FHIT: variants seen among roughly 807,000 people sequenced by gnomAD.
The protein encoded by FHIT is bis(5'-adenosyl)-triphosphatase.
In FHIT, 19 loss-of-function variants were observed where a neutral mutation model predicts 17.9. That is an observed-to-expected ratio of 1.06 (90% confidence interval 0.74 to 1.56). The LOEUF (loss-of-function observed/expected upper bound fraction) is 1.56. Ranked by LOEUF, FHIT falls within the 40% of genes most tolerant of loss-of-function variation. The probability of loss-of-function intolerance (pLI) is 0.00; values close to 1 mark genes in which losing one functional copy is unlikely to be tolerated. For missense variants in FHIT, 248 were observed against 189.2 expected, an observed-to-expected ratio of 1.31 and a Z score of -1.82; for synonymous variants, 81 against 69.7, an observed-to-expected ratio of 1.16 and a Z score of -0.81.
chr3:61,096,505 A>C (rs1342665914), intron 2 of FHIT, among the ~76,000 whole-genome samples: 1 of 152,212 alleles, frequency 6.6e-6, no homozygotes, highest in Non-Finnish European at 1.5e-5. Flanking sequence ...AGCCGGGGAC[A>C]CAGAGAACAG....
chr3:60,538,693 G>C (rs958914322), intron 4 of FHIT, among the ~76,000 whole-genome samples: 5 of 152,174 alleles, frequency 3.3e-5, no homozygotes, highest in African/African-American at 4.8e-5. Flanking sequence ...AATGGGGAAA[G>C]GATTCCTTAT....
chr3:60,504,768 T>G (rs907828092), intron 5 of FHIT, among the ~76,000 whole-genome samples: 2 of 152,212 alleles, frequency 1.3e-5, no homozygotes, highest in Non-Finnish European at 2.9e-5. Flanking sequence ...TAAGGTCATG[T>G]AACTGTTAGC....
At chr3:60,614,890 C>A (rs545454559) in intron 4 of FHIT, among the ~76,000 whole-genome samples, 1 of 131,418 alleles carries the variant, frequency 7.6e-6, no homozygotes, top group East Asian at 2.4e-4. Flanking sequence ...AGTGCAGTGG[C>A]ATGATCTCGG....
chr3:60,946,920 T>G (rs1708665740), intron 3 of FHIT, among the ~76,000 whole-genome samples: 1 of 152,210 alleles, frequency 6.6e-6, no homozygotes, highest in African/African-American at 2.4e-5. Context: ...TTCTTAGCCC[T>G]TGAAACGAGG....
chr3:59,774,294 C>G lies in FHIT; in HGVS notation c.349-21973G>C, dbSNP rs570127758. On this transcript the variant is annotated intron_variant, in intron 8 of 9. Transcript: ENST00000492590. ...CAGAGCTAAGGATTTGCGACAGAAA[C>G]TGAATAGCCTGAAGAGCTTAAAATA... Among the ~76,000 whole-genome samples, 5 of 152,328 alleles carry G rather than the reference C, an allele frequency of 3.3e-5. No homozygotes were observed. The South Asian group carries it at 6.2e-4, about 19-fold the overall frequency.
At chr3:60,516,966 C>T (rs1026485780) in intron 5 of FHIT, among the ~76,000 whole-genome samples, 1 of 152,190 alleles carries the variant, frequency 6.6e-6, no homozygotes, top group African/African-American at 2.4e-5. Flanking sequence ...TGAATCTCTA[C>T]TCCTCTGAGG....
intron 5 of FHIT, among the ~76,000 whole-genome samples, chr3:60,337,612 C>T (rs1173227120): frequency 7.9e-5 from 12 of 152,172 alleles, no homozygotes; most frequent in Non-Finnish European, 4.4e-5. Context: ...CCACTCATAT[C>T]CCTCAGAGGC....
rs190534027 is a variant in FHIT, at chr3:59,967,393, G to T, written c.279+43978C>A. Among the ~76,000 whole-genome samples the T allele has an allele frequency of 2.0e-5, 3 of 152,218 alleles. No homozygotes were observed. In the East Asian group the frequency reaches 5.8e-4, roughly 29 times the overall value. The stretch of plus-strand genomic sequence containing the variant: ...GTGTGATACTTTTATACGACTGGCA[G>T]CATAGCTTTGTTTACACCAGCACTG... On this transcript the variant is annotated intron_variant, in intron 7 of 9. Coordinates refer to ENST00000492590, the MANE Select transcript of FHIT (RefSeq NM_002012.4).
rs949484596 is a variant in FHIT, at chr3:61,074,637, T to C, written c.-163-32538A>G. Among the ~76,000 whole-genome samples, 12 of 152,172 alleles carry C rather than the reference T, an allele frequency of 7.9e-5. No homozygotes were observed. In the South Asian group the frequency reaches 1.9e-3, roughly 24 times the overall value. On this transcript the variant is annotated intron_variant, in intron 2 of 9. Coordinates refer to ENST00000492590, the MANE Select transcript of FHIT (RefSeq NM_002012.4). ...TCCTTTGCCTCAATTGTATCACTCC[T>C]ACAGTCTCCTTGTCTCTGAGGCCTA...
intron 7 of FHIT, among the ~76,000 whole-genome samples, chr3:59,977,603 T>C (rs1228096825): frequency 6.6e-6 from 1 of 152,208 alleles, no homozygotes; most frequent in African/African-American, 2.4e-5. Flanking sequence ...GATTTAACTT[T>C]ACATTTTGAT....
At chr3:61,125,959 A>T (rs1307518288) in intron 2 of FHIT, among the ~76,000 whole-genome samples, 1 of 152,218 alleles carries the variant, frequency 6.6e-6, no homozygotes, top group African/African-American at 2.4e-5. Context: ...TTTTATAGAT[A>T]GGTAACAGGA....
In FHIT at chr3:60,834,300, A is replaced by T. The variant is rs1361844924; in HGVS notation, c.-110-12289T>A. 2.0e-5 allele frequency among the ~76,000 whole-genome samples: 3 copies of T among 152,190 alleles called. No individual in the cohort carries two copies. In the East Asian group the frequency reaches 5.8e-4, roughly 29 times the overall value. ...CATTATCTTTTATTTTAGTTATTTC[A>T]ATATGTTCATAGTGATAACTCATTG... On this transcript the variant is annotated intron_variant, in intron 3 of 9. Coordinates refer to ENST00000492590, the MANE Select transcript of FHIT (RefSeq NM_002012.4).
At chr3:60,632,992 A>G (rs2039486665) in intron 4 of FHIT, among the ~76,000 whole-genome samples, 1 of 152,212 alleles carries the variant, frequency 6.6e-6, no homozygotes, top group Non-Finnish European at 1.5e-5. Context: ...AAAAGAGAAC[A>G]GAGTAAAAGG....
At chr3:59,991,782 G>A (rs1699280116) in intron 7 of FHIT, among the ~76,000 whole-genome samples, 1 of 152,012 alleles carries the variant, frequency 6.6e-6, no homozygotes. Flanking sequence ...CGGCCAAGAT[G>A]CTCAACTCAC....
At chr3:60,510,448 C>G (rs543332667) in intron 5 of FHIT, among the ~76,000 whole-genome samples, 14 of 152,208 alleles carry the variant, frequency 9.2e-5, no homozygotes, top group Admixed American at 6.5e-4. Flanking sequence ...CATTTCTAGG[C>G]CTTGAATTTG....
At chr3:60,852,742 C>T (rs1238291103) in intron 3 of FHIT, among the ~76,000 whole-genome samples, 1 of 151,862 alleles carries the variant, frequency 6.6e-6, no homozygotes, top group Non-Finnish European at 1.5e-5. Flanking sequence ...AGAAATATTC[C>T]TCTGTAATCT....
chr3:59,979,380 T>C (rs1708551504), intron 7 of FHIT, among the ~76,000 whole-genome samples: 1 of 152,162 alleles, frequency 6.6e-6, no homozygotes, highest in Non-Finnish European at 1.5e-5. Context: ...ATATTTTGCA[T>C]GTGTTTCCAT....
chr3:60,653,360 T>A (rs914567978), intron 4 of FHIT, among the ~76,000 whole-genome samples: 1 of 151,960 alleles, frequency 6.6e-6, no homozygotes, highest in Non-Finnish European at 1.5e-5. Flanking sequence ...AAGTAAAAAA[T>A]TCAATAGAAA....
chr3:61,195,208 C>A (rs1033344651), intron 2 of FHIT, among the ~76,000 whole-genome samples: 1 of 151,740 alleles, frequency 6.6e-6, no homozygotes, highest in African/African-American at 2.4e-5. Flanking sequence ...AAGCAACAAC[C>A]GGCTGAGCTG....
Sources: gnomAD v4.1 joint callset for allele counts (sites outside exome capture counted in the v4.1 genomes callset) on GRCh38, gnomAD v4.1.1 for gene constraint, MANE v1.5 for transcripts, NCBI Gene and HGNC (gene_info 2026-07-23, HGNC 2026-07-21) for gene names.